Variants in GRIN2A observed in about 807,000 individuals in gnomAD.
GRIN2A encodes glutamate receptor ionotropic, NMDA 2A.
In GRIN2A, 22 loss-of-function variants were observed where a neutral mutation model predicts 113.4. The ratio of observed to expected loss-of-function variants is 0.19; its 90% CI spans 0.14 to 0.28. The LOEUF (loss-of-function observed/expected upper bound fraction) is 0.28. GRIN2A is among the 10% of genes least tolerant of loss of function. GRIN2A has a pLI of 1.00. For synonymous variants in GRIN2A, 827 were observed against 738.4 expected, an observed-to-expected ratio of 1.12 and a Z score of -1.94; for missense variants, 1,502 against 1,887.0, an observed-to-expected ratio of 0.80 and a Z score of 3.78.
intron 7 of GRIN2A, among the ~76,000 whole-genome samples, chr16:9,839,254 C>A (rs1012021000): frequency 1.3e-5 from 2 of 152,084 alleles, no homozygotes; most frequent in South Asian, 4.1e-4. Flanking sequence ...ACAACACTTT[C>A]CTTTAAAGAC....
At chr16:9,843,595 C>T (rs1190683301) in intron 5 of GRIN2A, among the ~76,000 whole-genome samples, 1 of 152,224 alleles carries the variant, frequency 6.6e-6, no homozygotes, top group East Asian at 1.9e-4. Flanking sequence ...TCTTGAATCA[C>T]TCTCTTCACC....
At chr16:10,132,340 C>CAAAAAAAAAAAAAAAAAAAA (rs71402435) in intron 2 of GRIN2A, among the ~76,000 whole-genome samples, 759 of 61,280 alleles carry the variant, frequency 0.012, 42 homozygotes, top group East Asian at 0.028. Context: ...GACACCGTCT[C>CAAAAAAAAAAAAAAAAAAAA]AAAAAAAAAA....
chr16:9,937,661 A>G (rs1281987286), intron 3 of GRIN2A: 1 of 418,740 alleles, frequency 2.4e-6, no homozygotes, highest in East Asian at 5.1e-5. Context: ...AAAAATATAG[A>G]TACACTTGAG....
At chr16:10,056,047 T>C (rs9927926) in intron 2 of GRIN2A, among the ~76,000 whole-genome samples, 21,178 of 152,070 alleles carry the variant, frequency 0.14, 2,044 homozygotes, top group African/African-American at 0.27. Flanking sequence ...TAGAAGTTCA[T>C]ATCCCTGGAC....
intron 2 of GRIN2A, among the ~76,000 whole-genome samples, chr16:10,084,423 G>A (rs2048045714): frequency 6.6e-6 from 1 of 152,034 alleles, no homozygotes; most frequent in East Asian, 1.9e-4. Flanking sequence ...AAGACTTCCT[G>A]GAACCTGGGG....
At chr16:9,787,947 A>T (rs1316456899) in intron 11 of GRIN2A, among the ~76,000 whole-genome samples, 1 of 152,216 alleles carries the variant, frequency 6.6e-6, no homozygotes, top group Non-Finnish European at 1.5e-5. Context: ...GAAGCCATCG[A>T]AAGACAGATT....
At chr16:9,975,008 A>G (rs1440583771) in intron 2 of GRIN2A, among the ~76,000 whole-genome samples, 1 of 152,128 alleles carries the variant, frequency 6.6e-6, no homozygotes, top group Non-Finnish European at 1.5e-5. Context: ...ATATACTTCT[A>G]TCATGAAAAC....
intron 4 of GRIN2A, among the ~76,000 whole-genome samples, chr16:9,878,085 G>T (rs115806953): frequency 0.011 from 1,619 of 152,052 alleles, 25 homozygotes; most frequent in African/African-American, 0.037. Context: ...ATAATTGATG[G>T]CAATGGAAAA....
At chr16:10,042,841 T>C (rs944752235) in intron 2 of GRIN2A, among the ~76,000 whole-genome samples, 4 of 152,158 alleles carry the variant, frequency 2.6e-5, no homozygotes, top group African/African-American at 9.7e-5. Flanking sequence ...CTGTATGCAA[T>C]GCCTCAAACT....
At chr16:9,784,284 G>A (rs1902089894) in intron 11 of GRIN2A, among the ~76,000 whole-genome samples, 1 of 151,914 alleles carries the variant, frequency 6.6e-6, no homozygotes, top group Non-Finnish European at 1.5e-5. Flanking sequence ...ACAAAAATTA[G>A]CCAGGCGTGG....
intron 2 of GRIN2A, among the ~76,000 whole-genome samples, chr16:10,094,395 G>A (rs532119453): frequency 6.6e-6 from 1 of 151,974 alleles, no homozygotes; most frequent in Admixed American, 6.6e-5. Flanking sequence ...TACATGAGGG[G>A]ATTTTTTTAG....
At chr16:10,022,848 A>C (rs78305124) in intron 2 of GRIN2A, among the ~76,000 whole-genome samples, 3,185 of 152,264 alleles carry the variant, frequency 0.021, 313 homozygotes, top group Admixed American at 0.16. Flanking sequence ...AATGCCAACA[A>C]TGACACTGTT....
chr16:9,888,272 T>A (rs2043625894), intron 4 of GRIN2A, among the ~76,000 whole-genome samples: 1 of 152,218 alleles, frequency 6.6e-6, no homozygotes, highest in African/African-American at 2.4e-5. Flanking sequence ...TGTCTTTAGA[T>A]GAGCAAAAGT....
intron 2 of GRIN2A, among the ~76,000 whole-genome samples, chr16:10,078,592 C>T (rs1039103711): frequency 6.6e-6 from 1 of 152,162 alleles, no homozygotes; most frequent in Non-Finnish European, 1.5e-5. Context: ...AGCCAGGCCA[C>T]GTAGTCATGT....
chr16:10,159,219 C>T (rs1370505705), intron 2 of GRIN2A, among the ~76,000 whole-genome samples: 2 of 152,128 alleles, frequency 1.3e-5, no homozygotes, highest in East Asian at 3.9e-4. Flanking sequence ...ATCCGTCCCT[C>T]ATGTTCCTTC....
At chr16:10,038,667 C>A (rs1056923548) in intron 2 of GRIN2A, among the ~76,000 whole-genome samples, 3 of 143,886 alleles carry the variant, frequency 2.1e-5, no homozygotes. Flanking sequence ...CATGGTGAAA[C>A]CCTGTCTCTA....
chr16:9,777,402 C>G (rs1207282159), intron 11 of GRIN2A, among the ~76,000 whole-genome samples: 2 of 152,120 alleles, frequency 1.3e-5, no homozygotes, highest in Non-Finnish European at 2.9e-5. Flanking sequence ...TGAAAAAATA[C>G]TTTTGATGGT....
At chr16:9,890,867 G>A in intron 4 of GRIN2A, 119 bp downstream of exon 4, 1 of 726,814 alleles carries the variant, frequency 1.4e-6, no homozygotes, top group Non-Finnish European at 2.5e-6. Flanking sequence ...GCTCTTGGCT[G>A]TGAGATGGGA....
chr16:10,012,716 C>T (rs964073733), intron 2 of GRIN2A, among the ~76,000 whole-genome samples: 2 of 152,190 alleles, frequency 1.3e-5, no homozygotes, highest in African/African-American at 4.8e-5. Context: ...TGCCCTGGTG[C>T]TGCCTTGGAA....
Sources: allele counts gnomAD v4.1 joint callset (sites outside exome capture counted in the v4.1 genomes callset), GRCh38; gene constraint gnomAD v4.1.1; transcripts MANE v1.5; gene names NCBI Gene and HGNC (gene_info 2026-07-23, HGNC 2026-07-21).